SLC44A5: variants seen among roughly 807,000 people sequenced by gnomAD.
The protein encoded by SLC44A5 is solute carrier family 44 member 5, also known as choline transporter-like protein 5.
SLC44A5 carries 57 observed loss-of-function variants against 101.8 expected under a neutral mutation model. The ratio of observed to expected loss-of-function variants is 0.56; its 90% CI spans 0.45 to 0.70. The LOEUF is 0.70. Among genes scored for constraint, SLC44A5 ranks in the 30% least tolerant of loss-of-function variants. SLC44A5 has a pLI of 0.00. For synonymous variants in SLC44A5, 281 were observed against 290.9 expected, an observed-to-expected ratio of 0.97 and a Z score of 0.35; for missense variants, 737 against 853.1, an observed-to-expected ratio of 0.86 and a Z score of 1.70.
chr1:75,365,537 G>A (rs1659795582), intron 3 of SLC44A5, among the ~76,000 whole-genome samples: 3 of 152,124 alleles, frequency 2.0e-5, no homozygotes, highest in Non-Finnish European at 4.4e-5. Flanking sequence ...CCATTACTGG[G>A]TATATACCCA....
chr1:75,310,172 G>A (rs771408527), intron 4 of SLC44A5, among the ~76,000 whole-genome samples: 10 of 152,202 alleles, frequency 6.6e-5, no homozygotes, highest in Non-Finnish European at 1.3e-4. Flanking sequence ...GAAACTTAAA[G>A]CCAGAAATGT....
At chr1:75,527,304 G>A (rs1404896540) in intron 2 of SLC44A5, among the ~76,000 whole-genome samples, 4 of 130,026 alleles carry the variant, frequency 3.1e-5, no homozygotes, top group Middle Eastern at 7.4e-3. Context: ...GAGAAAGAGA[G>A]ACAGAAAGGA....
intron 2 of SLC44A5, among the ~76,000 whole-genome samples, chr1:75,532,631 T>G (rs1170634365): frequency 6.6e-6 from 1 of 152,234 alleles, no homozygotes; most frequent in Admixed American, 6.5e-5. Context: ...TTCTTTACTA[T>G]CATTTTCCAC....
At chr1:75,680,759 A>G in the SLC44A5 span, among the ~76,000 whole-genome samples, 1 of 151,808 alleles carries the variant, frequency 6.6e-6, no homozygotes. Context: ...CCTAACTAAA[A>G]TCAGAGCAGA....
intron 2 of SLC44A5, among the ~76,000 whole-genome samples, chr1:75,507,536 T>G (rs1669334813): frequency 6.6e-6 from 1 of 152,178 alleles, no homozygotes; most frequent in African/African-American, 2.4e-5. Flanking sequence ...CTTTGCCAGG[T>G]TTTGGTACTA....
intron 5 of SLC44A5, among the ~76,000 whole-genome samples, chr1:75,284,932 T>C (rs756982901): frequency 2.7e-4 from 41 of 152,256 alleles, no homozygotes; most frequent in Non-Finnish European, 5.4e-4. Flanking sequence ...TGAGGATTTT[T>C]GCATCTGTGT....
chr1:75,456,564 A>G (rs575190276), intron 2 of SLC44A5, among the ~76,000 whole-genome samples: 2 of 152,312 alleles, frequency 1.3e-5, no homozygotes, highest in South Asian at 2.1e-4. Flanking sequence ...TCCAAATTTC[A>G]CTACATTTGG....
the SLC44A5 span, among the ~76,000 whole-genome samples, chr1:75,639,754 G>C: frequency 2.0e-5 from 3 of 152,052 alleles, no homozygotes; most frequent in Non-Finnish European, 4.4e-5. Context: ...ACAAGTTACA[G>C]GTAACTGGGA....
rs907727029 is a variant in SLC44A5, at chr1:75,218,658, G to A, written c.1361C>T (p.Pro454Leu). The A allele has an allele frequency of 5.6e-6, 9 of 1,613,802 alleles. No individual in the cohort carries two copies. The highest frequency in any genetic ancestry group is 5.3e-5 in the African/African-American group (4 of 75,032). The change falls in exon 17 of 24, where the codon CCT becomes CTT. Residue 454 changes from proline to leucine, a missense_variant. By Grantham distance (98) the Pro-to-Leu change is moderately conservative. Around this residue, in one of 3 missense-constraint regions of SLC44A5, gnomAD observed 665 missense variants for 764.4 expected, o/e 0.87. Coordinates refer to ENST00000370859, the MANE Select transcript of SLC44A5 (RefSeq NM_001130058.2). ...GGKSLYHQYI[P>L]TFHVYNLFVF... ...AAATAAGTTGTATACATGGAAGGTA[G>A]GGATGTACTGATGGTACAAGCTCTT...
chr1:75,634,138 T>C, the SLC44A5 span, among the ~76,000 whole-genome samples: 8 of 152,160 alleles, frequency 5.3e-5, no homozygotes, highest in African/African-American at 1.9e-4. Context: ...TTTTATGGAG[T>C]ATTTTTGCAT....
chr1:75,680,745 A>G, the SLC44A5 span, among the ~76,000 whole-genome samples: 12 of 152,070 alleles, frequency 7.9e-5, no homozygotes, highest in South Asian at 1.9e-3. Flanking sequence ...AGCAGAAGGC[A>G]AGACCTAACT....
At chr1:75,409,865 T>A (rs1391927622) in intron 2 of SLC44A5, among the ~76,000 whole-genome samples, 2 of 152,112 alleles carry the variant, frequency 1.3e-5, no homozygotes, top group Admixed American at 1.3e-4. Context: ...GTTTCAGAAC[T>A]TATTCTCTTG....
At chr1:75,210,995 A>C (rs916785463) in intron 23 of SLC44A5, among the ~76,000 whole-genome samples, 3 of 152,196 alleles carry the variant, frequency 2.0e-5, no homozygotes, top group African/African-American at 7.2e-5. Flanking sequence ...GAACATGTCC[A>C]TAACCTCCCA....
intron 1 of SLC44A5, among the ~76,000 whole-genome samples, chr1:75,603,835 T>C (rs1034130294): frequency 6.6e-6 from 1 of 150,658 alleles, no homozygotes; most frequent in Non-Finnish European, 1.5e-5. Context: ...ATTCATGTCT[T>C]TCTTTTGCCT....
intron 1 of SLC44A5, among the ~76,000 whole-genome samples, chr1:75,571,552 A>G (rs1418263345): frequency 6.6e-6 from 1 of 152,142 alleles, no homozygotes; most frequent in Admixed American, 6.5e-5. Flanking sequence ...TTAGCACAGT[A>G]TTCAAAAAAA....
chr1:75,537,369 T>C lies in SLC44A5; in HGVS notation c.13+4066A>G, dbSNP rs531715543. Among the ~76,000 whole-genome samples, 339 of 152,322 alleles carry C rather than the reference T, an allele frequency of 2.2e-3. 3 individuals carry two copies. The highest frequency in any genetic ancestry group is 0.014 in the Middle Eastern group (4 of 292). On this transcript the variant is annotated intron_variant, in intron 2 of 23. Transcript: ENST00000370859. ...CAATGTGTTATGGCTTCTTTTCTAC[T>C]GAGTCCATTTCTTTTGTGTTAGATA... is the stretch of plus-strand genomic sequence containing the variant.
chr1:75,569,392 C>A (rs1672956346), intron 1 of SLC44A5, among the ~76,000 whole-genome samples: 1 of 151,876 alleles, frequency 6.6e-6, no homozygotes, highest in Non-Finnish European at 1.5e-5. Flanking sequence ...CAGGTGCATG[C>A]CAACATGTCC....
chr1:75,321,870 G>A (rs1656176100), intron 4 of SLC44A5, among the ~76,000 whole-genome samples: 1 of 152,144 alleles, frequency 6.6e-6, no homozygotes, highest in Non-Finnish European at 1.5e-5. Flanking sequence ...ATTGTTCAGA[G>A]TATGTCAGTT....
intron 3 of SLC44A5, among the ~76,000 whole-genome samples, chr1:75,385,090 C>T (rs939950916): frequency 6.6e-6 from 1 of 151,914 alleles, no homozygotes; most frequent in South Asian, 2.1e-4. Context: ...CACTAAATGC[C>T]CACAAGAGAA....
Sources: gnomAD v4.1 joint callset for allele counts (sites outside exome capture counted in the v4.1 genomes callset) on GRCh38, gnomAD v4.1.1 for gene constraint, gnomAD v4.1.1 regional missense constraint, MANE v1.5 for transcripts, NCBI Gene and HGNC (gene_info 2026-07-23, HGNC 2026-07-21) for gene names.